The following SMAD4 variants were observed in gnomAD, a reference collection of about 807,000 sequenced individuals.
SMAD4 encodes SMAD family member 4.
A neutral mutation model predicts 63.2 loss-of-function variants in SMAD4; 7 were observed. That is an observed-to-expected ratio of 0.11 (90% confidence interval 0.06 to 0.21). The LOEUF (loss-of-function observed/expected upper bound fraction) is 0.21. SMAD4 is among the 10% of genes least tolerant of loss of function. SMAD4 has a pLI of 1.00. For synonymous variants in SMAD4, 215 were observed against 235.4 expected, an observed-to-expected ratio of 0.91 and a Z score of 0.79; for missense variants, 312 against 693.8, an observed-to-expected ratio of 0.45 and a Z score of 6.18.
Position 51,067,009 on chromosome 18 carries a change from T to C in SMAD4, c.1140-10T>C, listed in dbSNP as rs186332162. The C allele has an allele frequency of 4.0e-4, 638 of 1,604,156 alleles. 2 individuals are homozygous for C. The African/African-American group carries it at 6.5e-3, about 16-fold the overall frequency. ...TCAAGATAAAATGTAATTTCTTTTT[T>C]CTTCCTAAGGTTGCACATAGGCAAA... On this transcript the variant is annotated splice_polypyrimidine_tract_variant and intron_variant, in intron 9 of 11. Coordinates refer to ENST00000342988, the MANE Select transcript of SMAD4 (RefSeq NM_005359.6).
chr18:51,041,622 G>A (rs968162334), intron 1 of SMAD4, among the ~76,000 whole-genome samples: 2 of 152,146 alleles, frequency 1.3e-5, no homozygotes, highest in Non-Finnish European at 2.9e-5. Flanking sequence ...AGAACTCCTG[G>A]CATGGCCTTA....
chr18:51,073,376 TATATATATATATACAC>T (rs1156495691), intron 10 of SMAD4, among the ~76,000 whole-genome samples: 2 of 84,174 alleles, frequency 2.4e-5, no homozygotes, highest in African/African-American at 4.3e-5. Flanking sequence ...TATATATATA[TATATATATATATACAC>T]ACACACACAC....
intron 9 of SMAD4, chr18:51,066,764 T>C (rs947087971): frequency 2.2e-5 from 9 of 410,922 alleles, no homozygotes; most frequent in Admixed American, 7.5e-5. Context: ...ATAGTACTTG[T>C]TGAGTTGTAA....
chr18:51,084,959 A>T lies in SMAD4; in HGVS notation c.*6492A>T, dbSNP rs569819237. 143 of 215,038 alleles carry T rather than the reference A, an allele frequency of 6.6e-4. No individual in the cohort carries two copies. The Middle Eastern group carries it at 0.01, about 16-fold the overall frequency. The allele number at this position is 215,038 out of a possible 1,614,324, so 13.3% of individuals were successfully genotyped here. On this transcript the variant is annotated 3_prime_UTR_variant, in exon 12 of 12. Transcript: ENST00000342988. Reference sequence around the variant, plus strand: ...TTTCTGTATACTTTTGCCTGGTTAAAGTCTGTGGCTAAAAAATAGTCGAAC... The same window carrying T: ...TTTCTGTATACTTTTGCCTGGTTAATGTCTGTGGCTAAAAAATAGTCGAAC...
chr18:51,031,180 C>T (rs530847196), intron 1 of SMAD4, among the ~76,000 whole-genome samples: 4 of 152,302 alleles, frequency 2.6e-5, no homozygotes, highest in East Asian at 3.9e-4. Flanking sequence ...TGAACCCCTC[C>T]TTGCCCCCAA....
intron 7 of SMAD4, among the ~76,000 whole-genome samples, chr18:51,059,263 A>G (rs920572003): frequency 3.3e-5 from 5 of 152,156 alleles, no homozygotes; most frequent in Admixed American, 6.6e-5. Context: ...CTAGGCCGTC[A>G]TAGTGTTGAA....
intron 1 of SMAD4, among the ~76,000 whole-genome samples, chr18:51,035,299 T>C (rs1265485383): frequency 6.6e-6 from 1 of 152,214 alleles, no homozygotes; most frequent in Non-Finnish European, 1.5e-5. Context: ...AATAGGAAGT[T>C]GATTTTCTTT....
chr18:51,071,495 A>G (rs1163052394), intron 10 of SMAD4, among the ~76,000 whole-genome samples: 1 of 152,204 alleles, frequency 6.6e-6, no homozygotes, highest in Non-Finnish European at 1.5e-5. Flanking sequence ...ACAAGCTTTA[A>G]ATGAAGCAAA....
chr18:51,033,905 G>A (rs1909124073), intron 1 of SMAD4, among the ~76,000 whole-genome samples: 1 of 152,202 alleles, frequency 6.6e-6, no homozygotes, highest in Non-Finnish European at 1.5e-5. Context: ...TAGGTAGTCG[G>A]ATTCTTACAA....
chr18:51,039,696 C>T (rs1909317409), intron 1 of SMAD4, among the ~76,000 whole-genome samples: 1 of 152,022 alleles, frequency 6.6e-6, no homozygotes, highest in Non-Finnish European at 1.5e-5. Flanking sequence ...CATGCTGGTA[C>T]ACAAAAACTG....
At chr18:51,076,868 G>T in intron 11 of SMAD4, 92 bp downstream of exon 11, 1 of 1,018,576 alleles carries the variant, frequency 9.8e-7, no homozygotes, top group Non-Finnish European at 1.4e-6. Context: ...AGCAGTAATA[G>T]AAATTAAAGT....
intron 8 of SMAD4, among the ~76,000 whole-genome samples, chr18:51,060,780 A>G (rs1208930176): frequency 1.3e-5 from 2 of 152,114 alleles, no homozygotes; most frequent in Non-Finnish European, 2.9e-5. Context: ...ACTATAGGCA[A>G]GGGCCACCAT....
intron 1 of SMAD4, among the ~76,000 whole-genome samples, chr18:51,032,185 G>T (rs542461040): frequency 6.6e-6 from 1 of 152,246 alleles, no homozygotes; most frequent in South Asian, 2.1e-4. Flanking sequence ...GATAAAAGTC[G>T]TTATAACATT....
chr18:51,066,047 A>G (rs1910140727), intron 9 of SMAD4, among the ~76,000 whole-genome samples: 1 of 133,460 alleles, frequency 7.5e-6, no homozygotes, highest in South Asian at 2.3e-4. Context: ...AGTCATTAAA[A>G]TGTTTAAAAG....
intron 1 of SMAD4, among the ~76,000 whole-genome samples, chr18:51,034,007 G>C (rs1181137424): frequency 1.3e-5 from 2 of 152,048 alleles, no homozygotes; most frequent in Non-Finnish European, 2.9e-5. Context: ...TTGTAAAGAG[G>C]GTCTGTTAAC....
In SMAD4 at chr18:51,065,557, T is replaced by C. The variant is rs1568208261; in HGVS notation, c.1090T>C (p.Leu364=). 6.2e-7 allele frequency: 1 copy of C among 1,614,200 alleles called. No homozygotes were observed. Among genetic ancestry groups the C allele is most frequent in the Non-Finnish European group, 8.5e-7 (1 of 1,180,032 alleles). ...VDPSGGDRFC[L]GQLSNVHRTE... ...CCCTTCTGGAGGAGATCGCTTTTGT[T>C]TGGGTCAACTCTCCAATGTCCACAG... Residue 364 remains leucine, a synonymous_variant, in exon 9 of 12, where the codon TTG becomes CTG. Transcript: ENST00000342988.
Position 51,078,615 on chromosome 18 carries a change from A to G in SMAD4, c.*148A>G. Reference sequence around the variant, plus strand: ...ATGTGTTTGCTGCCTTGCTCCTAGCAGACAGAAACTGGATTAAAACAATTT... The same window carrying G: ...ATGTGTTTGCTGCCTTGCTCCTAGCGGACAGAAACTGGATTAAAACAATTT... On this transcript the variant is annotated 3_prime_UTR_variant, in exon 12 of 12. Coordinates refer to ENST00000342988, the MANE Select transcript of SMAD4 (RefSeq NM_005359.6). 1.5e-6 allele frequency: 1 copy of G among 651,582 alleles called. No individual in the cohort carries two copies. Among genetic ancestry groups the G allele is most frequent in the East Asian group, 2.7e-5 (1 of 36,956 alleles). The allele number at this position is 651,582 out of a possible 1,614,324, so 40.4% of individuals were successfully genotyped here. A position where few individuals can be genotyped will look rare whatever the true frequency, so the allele number is the denominator to read the frequency against.
At chr18:51,049,473 G>A in intron 4 of SMAD4, 149 bp downstream of exon 4, 1 of 665,426 alleles carries the variant, frequency 1.5e-6, no homozygotes, top group Admixed American at 2.6e-5. Flanking sequence ...TTTGAGGTTA[G>A]GGGCATTTAA....
chr18:51,058,526 T>A, intron 7 of SMAD4, 70 bp downstream of exon 7: 1 of 1,031,970 alleles, frequency 9.7e-7, no homozygotes, highest in Non-Finnish European at 1.5e-6. Flanking sequence ...TTCTGTTTTT[T>A]AAAAATGTTT....
Sources: allele counts gnomAD v4.1 joint callset (sites outside exome capture counted in the v4.1 genomes callset), GRCh38; gene constraint gnomAD v4.1.1; transcripts MANE v1.5; gene names NCBI Gene and HGNC (gene_info 2026-07-23, HGNC 2026-07-21).